M1AP: variants seen among roughly 807,000 people sequenced by gnomAD.
The protein encoded by M1AP is meiosis 1 arrest protein.
Under a neutral mutation model 51.2 loss-of-function variants are expected in M1AP, and 39 were observed. The observed-to-expected ratio is 0.76, with a 90% CI of 0.59 to 1.00. M1AP has a LOEUF of 1.00. M1AP is among the 50% of genes least tolerant of loss of function. The pLI is 0.00. For synonymous variants in M1AP, 251 were observed against 249.2 expected (o/e 1.01, Z -0.07); for missense variants, 545 against 641.2 (o/e 0.85, Z 1.62).
At chr2:74,633,081 G>A (rs557501957) in intron 2 of M1AP, among the ~76,000 whole-genome samples, 1 of 152,158 alleles carries the variant, frequency 6.6e-6, no homozygotes, top group African/African-American at 2.4e-5. Context: ...GATTCAATGA[G>A]GTCATTCACA....
At position 74,610,176 on chromosome 2, in the gene M1AP, A is replaced by ATT. The variant is rs111535856; in HGVS notation, c.427-2955_427-2954dup. 7.1e-3 allele frequency among the ~76,000 whole-genome samples: 1,014 copies of ATT among 142,634 alleles called. 16 individuals are homozygous for ATT. The highest frequency in any genetic ancestry group is 0.025 in the African/African-American group (965 of 39,250). 93.6% of individuals were successfully genotyped at this position (142,634 alleles called of 152,430 possible). A position where few individuals can be genotyped will look rare whatever the true frequency, so the allele number is the denominator to read the frequency against. On this transcript the variant is annotated intron_variant, in intron 3 of 10. Transcript: ENST00000421985. ...GCCACCATGCCTGGCTTATTTTTGT[A>ATT]TTTTTTTTTTTTGTAGAGATGGAGG... is the stretch of plus-strand genomic sequence containing the variant.
intron 7 of M1AP, among the ~76,000 whole-genome samples, chr2:74,565,595 G>A (rs1290798541): frequency 2.6e-5 from 4 of 152,020 alleles, no homozygotes; most frequent in African/African-American, 4.8e-5. Flanking sequence ...TTGAGAGGCC[G>A]AGGTGGGTGG....
intron 4 of M1AP, among the ~76,000 whole-genome samples, chr2:74,594,807 G>A (rs1342740166): frequency 1.3e-5 from 2 of 152,126 alleles, no homozygotes; most frequent in Non-Finnish European, 2.9e-5. Context: ...AGCCCAGGAG[G>A]TAGAGAGGCT....
At chr2:74,642,793 A>G (rs1470967252) in intron 1 of M1AP, among the ~76,000 whole-genome samples, 1 of 152,238 alleles carries the variant, frequency 6.6e-6, no homozygotes, top group Non-Finnish European at 1.5e-5. Flanking sequence ...ATTAATTTAC[A>G]TTTCAAAGAA....
chr2:74,648,305 G>C lies in M1AP; in HGVS notation c.-93C>G, dbSNP rs1044008241. 1.0e-6 allele frequency: 1 copy of C among 985,490 alleles called. No homozygotes were observed. The highest frequency in any genetic ancestry group is 1.2e-6 in the Non-Finnish European group (1 of 829,962). The allele number at this position is 985,490 out of a possible 1,614,324, so 61.0% of individuals were successfully genotyped here. A position where few individuals can be genotyped will look rare whatever the true frequency, so the allele number is the denominator to read the frequency against. On this transcript the variant is annotated 5_prime_UTR_variant, in exon 1 of 11. Coordinates refer to ENST00000421985, the MANE Select transcript of M1AP (RefSeq NM_001321739.2). Reference sequence around the variant, plus strand: ...GGAGGCCCCCTCACCTGGTCCTCCCGGCTCTCAGCGTGCGCCCGCGCGTTC... The same window carrying C: ...GGAGGCCCCCTCACCTGGTCCTCCCCGCTCTCAGCGTGCGCCCGCGCGTTC...
At chr2:74,585,595 A>C (rs898643444) in intron 4 of M1AP, among the ~76,000 whole-genome samples, 1 of 152,164 alleles carries the variant, frequency 6.6e-6, no homozygotes, top group Non-Finnish European at 1.5e-5. Flanking sequence ...ATGTTCTTGG[A>C]AGAGCCATGA....
chr2:74,607,098 C>A lies in M1AP; in HGVS notation c.552G>T (p.Glu184Asp). The A allele has an allele frequency of 1.6e-5, 26 of 1,614,074 alleles. No homozygotes were observed. The highest frequency in any genetic ancestry group is 2.1e-5 in the Non-Finnish European group (25 of 1,180,000). The change falls in exon 4 of 11, where the codon GAG becomes GAT. Residue 184 changes from glutamate to aspartate, a missense_variant. By Grantham distance (45) the Glu-to-Asp change is conservative (BLOSUM62 2). Transcript: ENST00000421985. The part of the protein sequence containing the change: ...QVVEVTKGIL[E>D]HVDSASPVED... ...CAACAGGAGACGCTGAGTCCACGTG[C>A]TCTAGGATTCCCTTTGTGACCTCAA...
chr2:74,597,064 C>T (rs113158825), intron 4 of M1AP, among the ~76,000 whole-genome samples: 5,274 of 152,228 alleles, frequency 0.035, 124 homozygotes, highest in Middle Eastern at 0.078. Context: ...GGTCAAAATT[C>T]ACTGAATTGT....
At chr2:74,600,019 C>A (rs1573122189) in intron 4 of M1AP, among the ~76,000 whole-genome samples, 1 of 152,050 alleles carries the variant, frequency 6.6e-6, no homozygotes, top group Non-Finnish European at 1.5e-5. Context: ...ACTTCTGAGC[C>A]TCTTAAAGTG....
At chr2:74,583,077 AAAAAC>A (rs1163737923) in intron 4 of M1AP, among the ~76,000 whole-genome samples, 23 of 151,906 alleles carry the variant, frequency 1.5e-4, no homozygotes, top group South Asian at 6.2e-4. Context: ...AATCCACTGT[AAAAAC>A]AAACAAACAA....
At chr2:74,614,735 T>G (rs1263571785) in intron 3 of M1AP, among the ~76,000 whole-genome samples, 1 of 152,234 alleles carries the variant, frequency 6.6e-6, no homozygotes, top group East Asian at 1.9e-4. Flanking sequence ...ATAATTCACT[T>G]CAGTCTGTAT....
At chr2:74,648,240 C>G (rs1683720137) in intron 1 of M1AP, 25 bp downstream of exon 1, 1 of 981,476 alleles carries the variant, frequency 1.0e-6, no homozygotes, top group Non-Finnish European at 1.2e-6. Context: ...GCTGCCCTCC[C>G]TCCCCGAGGC....
intron 5 of M1AP, among the ~76,000 whole-genome samples, chr2:74,577,248 G>A (rs1447361570): frequency 6.6e-6 from 1 of 152,162 alleles, no homozygotes; most frequent in Admixed American, 6.5e-5. Context: ...GGGCCTTGGA[G>A]CATCACAGTG....
chr2:74,610,024 G>A (rs1303405795), intron 3 of M1AP, among the ~76,000 whole-genome samples: 1 of 151,692 alleles, frequency 6.6e-6, no homozygotes, highest in African/African-American at 2.4e-5. Context: ...TTGAGACAGG[G>A]TCTCACTCTG....
intron 3 of M1AP, among the ~76,000 whole-genome samples, chr2:74,613,906 A>G (rs769139961): frequency 3.3e-5 from 5 of 152,162 alleles, no homozygotes; most frequent in Non-Finnish European, 5.9e-5. Context: ...TTCCTGCCCC[A>G]GCCTCTCAAG....
chr2:74,558,830 G>C lies in M1AP; in HGVS notation c.1479C>G (p.Pro493=). ...QTNRARATVA[P]LPMTPVPGRA... Reference sequence around the variant, plus strand: ...TGCCTGGGACAGGAGTCATAGGCAGGGGGGCCACAGTAGCTCGAGCTCGGT... The same window carrying C: ...TGCCTGGGACAGGAGTCATAGGCAGCGGGGCCACAGTAGCTCGAGCTCGGT... The change falls in exon 11 of 11, where the codon CCC becomes CCG. Residue 493 remains proline, a synonymous_variant. Coordinates refer to ENST00000421985, the MANE Select transcript of M1AP (RefSeq NM_001321739.2). 1 of 1,606,216 alleles carries C rather than the reference G, an allele frequency of 6.2e-7. No individual in the cohort carries two copies. Among genetic ancestry groups the C allele is most frequent in the Non-Finnish European group, 8.5e-7 (1 of 1,176,832 alleles).
In M1AP at chr2:74,558,725, T is replaced by C. The variant is rs778101432; in HGVS notation, c.1584A>G (p.Ser528=). Residue 528 remains serine (S), a synonymous_variant, in exon 11 of 11, where the codon TCA becomes TCG. Transcript: ENST00000421985. ...CTCTGGTGCTGGTGACTTAGGGCCT[T>C]GAGGGATCCTTCTCCCACTCTGAAG... The part of the protein sequence containing the change: ...FLPSEWEKDP[S]RP 14 of 1,612,204 alleles carry C rather than the reference T, an allele frequency of 8.7e-6. No individual in the cohort carries two copies. In the Admixed American group the frequency reaches 2.0e-4, roughly 23 times the overall value.
intron 2 of M1AP, among the ~76,000 whole-genome samples, chr2:74,627,470 C>T (rs1272269985): frequency 6.6e-6 from 1 of 152,074 alleles, no homozygotes; most frequent in Non-Finnish European, 1.5e-5. Flanking sequence ...ATTTCATACC[C>T]TAATTTCTTT....
At position 74,562,345 on chromosome 2, in the gene M1AP, A is replaced by G; in HGVS notation, c.1153T>C (p.Tyr385His). 6.2e-7 allele frequency: 1 copy of G among 1,614,234 alleles called. No individual in the cohort carries two copies. The highest frequency in any genetic ancestry group is 8.5e-7 in the Non-Finnish European group (1 of 1,180,042). The change falls in exon 8 of 11, where the codon TAT (tyrosine) becomes CAT (histidine). Residue 385 changes from tyrosine to histidine, a missense_variant. Tyr to His is a moderately conservative substitution (Grantham distance 83, BLOSUM62 2). Transcript: ENST00000421985. Reference sequence around the variant, plus strand: ...AGGGAGTGTGACGGCATGATCACATAGAAGGTGCTGGCAGGAATTCTCTGG... The same window carrying G: ...AGGGAGTGTGACGGCATGATCACATGGAAGGTGCTGGCAGGAATTCTCTGG... Reference protein sequence around the residue: ...HSQRIPASTFYVIMPSHSLTL... With the variant: ...HSQRIPASTFHVIMPSHSLTL...
Sources: allele counts gnomAD v4.1 joint callset (sites outside exome capture counted in the v4.1 genomes callset), GRCh38; gene constraint gnomAD v4.1.1; transcripts MANE v1.5; gene names NCBI Gene and HGNC (gene_info 2026-07-23, HGNC 2026-07-21).